Variants in ARMC3 observed in about 807,000 individuals in gnomAD.
ARMC3 encodes armadillo repeat-containing protein 3.
A neutral mutation model predicts 90.3 loss-of-function variants in ARMC3; 74 were observed. The ratio of observed to expected loss-of-function variants is 0.82; its 90% CI spans 0.68 to 0.99. The LOEUF is 0.99. Among genes scored for constraint, ARMC3 ranks in the 50% least tolerant of loss-of-function variants. The pLI is 0.00. For missense variants in ARMC3, 958 were observed against 1,042.8 expected, an observed-to-expected ratio of 0.92 and a Z score of 1.12; for synonymous variants, 334 against 361.8, an observed-to-expected ratio of 0.92 and a Z score of 0.87.
intron 7 of ARMC3, among the ~76,000 whole-genome samples, chr10:22,964,497 T>C (rs554904894): frequency 9.2e-4 from 140 of 151,472 alleles, no homozygotes; most frequent in African/African-American, 3.3e-3. Flanking sequence ...TGGAGAGCAG[T>C]GGCACGATCT....
chr10:22,968,093 A>C (rs879009235), intron 7 of ARMC3, among the ~76,000 whole-genome samples: 2 of 152,176 alleles, frequency 1.3e-5, no homozygotes, highest in Admixed American at 1.3e-4. Context: ...TATCCATAAA[A>C]CATTTTGGAG....
chr10:23,028,861 C>CT (rs34998537), intron 16 of ARMC3, among the ~76,000 whole-genome samples: 18,165 of 152,150 alleles, frequency 0.12, 1,557 homozygotes, highest in African/African-American at 0.24. Context: ...AAATAAATAA[C>CT]TTATGGGGTT....
At chr10:22,939,912 T>C (rs1834256323) in intron 2 of ARMC3, among the ~76,000 whole-genome samples, 2 of 152,096 alleles carry the variant, frequency 1.3e-5, no homozygotes, top group South Asian at 2.1e-4. Flanking sequence ...AATAGCAAGA[T>C]GATCAATTAA....
chr10:22,946,344 C>T, intron 3 of ARMC3, 83 bp downstream of exon 3: 2 of 832,890 alleles, frequency 2.4e-6, no homozygotes, highest in African/African-American at 1.7e-5. Flanking sequence ...TCTTCCTAGT[C>T]TTTAACTTAC....
Position 23,001,547 on chromosome 10 carries a change from T to C in ARMC3, c.1426-372T>C, listed in dbSNP as rs142281413. Among the ~76,000 whole-genome samples, 236 of 152,280 alleles carry C rather than the reference T, an allele frequency of 1.5e-3. 2 individuals carry two copies. The highest frequency in any genetic ancestry group is 6.8e-3 in the Middle Eastern group (2 of 294). On this transcript the variant is annotated intron_variant, in intron 11 of 18. Coordinates refer to ENST00000298032, the MANE Select transcript of ARMC3 (RefSeq NM_173081.5). The stretch of plus-strand genomic sequence containing the variant: ...AGAGTCCCTTCCAGGGATGAGGATA[T>C]CTTTGGGGGCCCCTTACTCTGTCTA...
chr10:22,930,134 T>TC lies in ARMC3; in HGVS notation c.-1-1862_-1-1861insC, dbSNP rs529324844. 4.0e-5 allele frequency among the ~76,000 whole-genome samples: 6 copies of TC among 149,830 alleles called. No homozygotes were observed. In the South Asian group the frequency reaches 8.5e-4, roughly 21 times the overall value. Reference sequence around the variant, plus strand: ...GTTATAGAGTGCTATAAACTCTCTCTTTTTTTTTTCCTAGAGATTAATTGT... The same window carrying TC: ...GTTATAGAGTGCTATAAACTCTCTCTCTTTTTTTTTCCTAGAGATTAATTGT... On this transcript the variant is annotated intron_variant, in intron 1 of 18. Transcript: ENST00000298032.
intron 16 of ARMC3, among the ~76,000 whole-genome samples, chr10:23,016,151 T>G (rs988255347): frequency 7.2e-5 from 11 of 152,200 alleles, no homozygotes; most frequent in Non-Finnish European, 1.6e-4. Flanking sequence ...TCCTGGAGAC[T>G]TTCACATCTT....
chr10:22,991,941 G>A (rs1206735270), intron 10 of ARMC3, among the ~76,000 whole-genome samples: 4 of 152,186 alleles, frequency 2.6e-5, no homozygotes, highest in Admixed American at 1.3e-4. Context: ...AGGCTAAACA[G>A]AAACATTTGG....
Position 22,947,996 on chromosome 10 carries a change from T to A in ARMC3, c.166+1735T>A, listed in dbSNP as rs74888663. 3.4e-3 allele frequency among the ~76,000 whole-genome samples: 525 copies of A among 152,272 alleles called. 2 individuals carry two copies. Among genetic ancestry groups the A allele is most frequent in the African/African-American group, 0.012 (511 of 41,556 alleles). On this transcript the variant is annotated intron_variant, in intron 3 of 18. Transcript: ENST00000298032. Reference sequence around the variant, plus strand: ...TATTAATTTAATTGAGAGTTTAGTGTAACTAAACTGGTTTTTTTTAATAAA... The same window carrying A: ...TATTAATTTAATTGAGAGTTTAGTGAAACTAAACTGGTTTTTTTTAATAAA...
intron 13 of ARMC3, among the ~76,000 whole-genome samples, chr10:23,005,232 A>C (rs1837535631): frequency 6.6e-6 from 1 of 150,754 alleles, no homozygotes; most frequent in South Asian, 2.1e-4. Flanking sequence ...AAAAAAAAAA[A>C]ACCAAACCAA....
chr10:22,973,898 AC>A (rs1835798867), intron 8 of ARMC3, among the ~76,000 whole-genome samples: 1 of 151,060 alleles, frequency 6.6e-6, no homozygotes, highest in Non-Finnish European at 1.5e-5. Flanking sequence ...AGCTGGGTCT[AC>A]AGGTGCCTGC....
intron 2 of ARMC3, among the ~76,000 whole-genome samples, chr10:22,943,933 C>CAA (rs60419884): frequency 2.5e-4 from 28 of 109,994 alleles, no homozygotes; most frequent in Admixed American, 3.0e-4. Context: ...GACTCCATCT[C>CAA]AAAAAAAAAA....
chr10:23,007,175 C>G (rs1837661829), intron 14 of ARMC3, among the ~76,000 whole-genome samples, 194 bp downstream of exon 14: 1 of 152,196 alleles, frequency 6.6e-6, no homozygotes, highest in East Asian at 1.9e-4. Flanking sequence ...CACTGCAAAT[C>G]AATGCACTCT....
intron 3 of ARMC3, among the ~76,000 whole-genome samples, chr10:22,947,341 A>G (rs1834572192): frequency 6.6e-6 from 1 of 151,824 alleles, no homozygotes; most frequent in Non-Finnish European, 1.5e-5. Flanking sequence ...AAAAAAACAG[A>G]AAACAAACCA....
chr10:22,960,068 TC>T, intron 6 of ARMC3: 1 of 307,350 alleles, frequency 3.3e-6, no homozygotes. Flanking sequence ...TGTGCTGTTT[TC>T]CTTTGTCACG....
intron 15 of ARMC3, 60 bp from the exon 16 acceptor site, chr10:23,008,750 AAATGT>A (rs1380589377): frequency 9.8e-6 from 13 of 1,321,142 alleles, no homozygotes; most frequent in Middle Eastern, 1.9e-4. Context: ...CTCTAAATGC[AAATGT>A]AATGTATTGT....
At chr10:23,026,511 G>A (rs1231267269) in intron 16 of ARMC3, among the ~76,000 whole-genome samples, 3 of 151,916 alleles carry the variant, frequency 2.0e-5, no homozygotes, top group Non-Finnish European at 2.9e-5. Context: ...CACAGAAAAA[G>A]CATTTGGCAA....
intron 12 of ARMC3, 142 bp downstream of exon 12, chr10:23,002,197 C>A: frequency 7.8e-7 from 1 of 1,287,636 alleles, no homozygotes; most frequent in Non-Finnish European, 1.0e-6. Context: ...CAGGGCGGGC[C>A]TTGGCTTGGA....
intron 10 of ARMC3, among the ~76,000 whole-genome samples, chr10:22,983,441 G>A (rs1360587370): frequency 6.6e-6 from 1 of 152,032 alleles, no homozygotes; most frequent in Non-Finnish European, 1.5e-5. Flanking sequence ...AATGATGCCC[G>A]ACTTCTCTAC....
Sources: allele counts gnomAD v4.1 joint callset (sites outside exome capture counted in the v4.1 genomes callset), GRCh38; gene constraint gnomAD v4.1.1; transcripts MANE v1.5; gene names NCBI Gene and HGNC (gene_info 2026-07-23, HGNC 2026-07-21).